SPRED2: variants seen among roughly 807,000 people sequenced by gnomAD.
SPRED2 encodes the protein sprouty-related, EVH1 domain-containing protein 2.
A neutral mutation model predicts 43.0 loss-of-function variants in SPRED2; 47 were observed. The ratio of observed to expected loss-of-function variants is 1.09; its 90% CI spans 0.87 to 1.40. SPRED2 has a LOEUF of 1.40. SPRED2 is among the 40% of genes most tolerant of loss of function. The pLI is 0.00. For missense variants in SPRED2, 561 were observed against 586.4 expected, an observed-to-expected ratio of 0.96 and a Z score of 0.45; for synonymous variants, 225 against 225.7, an observed-to-expected ratio of 1.00 and a Z score of 0.03.
intron 1 of SPRED2, among the ~76,000 whole-genome samples, chr2:65,393,339 T>TC (rs1675681821): frequency 6.6e-6 from 1 of 151,336 alleles, no homozygotes; most frequent in African/African-American, 2.4e-5. Context: ...TTTTTTTTTT[T>TC]TCTTTTTTTT....
chr2:65,322,294 A>ATTTTTTT lies in SPRED2; in HGVS notation c.439-5418_439-5412dup, dbSNP rs1178902612. On this transcript the variant is annotated intron_variant, in intron 4 of 5. Coordinates refer to ENST00000356388, the MANE Select transcript of SPRED2 (RefSeq NM_181784.3). Reference sequence around the variant, plus strand: ...TCTATATATATATATATATATATATATTTTTTTTTTTTTTTTTGAGACGGA... The same window carrying ATTTTTTT: ...TCTATATATATATATATATATATATATTTTTTTTTTTTTTTTTTTTTTTTGAGACGGA... 4.2e-4 allele frequency among the ~76,000 whole-genome samples: 27 copies of ATTTTTTT among 64,936 alleles called. 2 individuals carry two copies. The highest frequency in any genetic ancestry group is 1.9e-3 in the African/African-American group (26 of 14,034). The allele number at this position is 64,936 out of a possible 152,430, so 42.6% of individuals were successfully genotyped here.
At chr2:65,422,103 C>G (rs1191211127) in intron 1 of SPRED2, among the ~76,000 whole-genome samples, 1 of 111,244 alleles carries the variant, frequency 9.0e-6, no homozygotes, top group Non-Finnish European at 1.9e-5. Context: ...CACACACACA[C>G]ACTCTCTCTC....
At chr2:65,431,026 G>A (rs893325821) in intron 1 of SPRED2, among the ~76,000 whole-genome samples, 5 of 152,068 alleles carry the variant, frequency 3.3e-5, no homozygotes, top group African/African-American at 1.2e-4. Flanking sequence ...ACCAGGGAGG[G>A]AAAATGCCAA....
chr2:65,350,152 C>T (rs890630200), intron 1 of SPRED2, among the ~76,000 whole-genome samples: 3 of 152,188 alleles, frequency 2.0e-5, no homozygotes, highest in Non-Finnish European at 4.4e-5. Context: ...CACCTTCCCT[C>T]CCCCTCTTTC....
downstream of SPRED2, among the ~76,000 whole-genome samples, chr2:65,310,664 G>A (rs560894138): frequency 6.6e-6 from 1 of 152,132 alleles, no homozygotes; most frequent in Non-Finnish European, 1.5e-5. Context: ...CGAGCCCAAG[G>A]AGCTGCAGTC....
chr2:65,336,974 GGCGGGCACCTGTAGTC>G (rs1294527577), intron 2 of SPRED2, among the ~76,000 whole-genome samples: 1 of 152,164 alleles, frequency 6.6e-6, no homozygotes, highest in Non-Finnish European at 1.5e-5. Flanking sequence ...CGGGCATGGT[GGCGGGCACCTGTAGTC>G]CCAGCTACTA....
At chr2:65,408,834 C>T (rs1676088042) in intron 1 of SPRED2, among the ~76,000 whole-genome samples, 1 of 152,176 alleles carries the variant, frequency 6.6e-6, no homozygotes, top group Admixed American at 6.5e-5. Flanking sequence ...CTGCCTTGGC[C>T]TCCCAAAGTG....
chr2:65,411,638 A>G (rs547867191), intron 1 of SPRED2, among the ~76,000 whole-genome samples: 1 of 152,320 alleles, frequency 6.6e-6, no homozygotes, highest in Non-Finnish European at 1.5e-5. Flanking sequence ...CTTTGAGTTA[A>G]GTGGCTTTCA....
chr2:65,345,231 C>T (rs1019630012), intron 1 of SPRED2, among the ~76,000 whole-genome samples: 1 of 150,514 alleles, frequency 6.6e-6, no homozygotes, highest in African/African-American at 2.4e-5. Flanking sequence ...GTTGGAAAGA[C>T]ACACACCTAT....
Position 65,341,299 on chromosome 2 carries a change from C to G in SPRED2, c.204+3420G>C, listed in dbSNP as rs555461306. ...ACTTAGGTACTAGTGAATATAAAAG[C>G]CCACAAGTGTGGAGTCAAGGAATGT... On this transcript the variant is annotated intron_variant, in intron 2 of 5. Transcript: ENST00000356388. 2.0e-5 allele frequency among the ~76,000 whole-genome samples: 3 copies of G among 151,570 alleles called. No individual in the cohort carries two copies. In the South Asian group the frequency reaches 6.3e-4, roughly 32 times the overall value.
At chr2:65,380,675 G>A (rs1675351625) in intron 1 of SPRED2, 1 of 152,150 alleles carries the variant, frequency 6.6e-6, no homozygotes, top group African/African-American at 2.4e-5. Context: ...TCTGAAAAGA[G>A]TTCCACAAAG....
intron 1 of SPRED2, among the ~76,000 whole-genome samples, chr2:65,363,018 T>G (rs1285005394): frequency 7.6e-5 from 11 of 145,292 alleles, no homozygotes; most frequent in Non-Finnish European, 1.7e-4. Flanking sequence ...TTTTTTTTTT[T>G]TTTTTTTTTT....
intron 1 of SPRED2, among the ~76,000 whole-genome samples, chr2:65,354,813 G>C (rs948235897): frequency 6.6e-6 from 1 of 152,170 alleles, no homozygotes; most frequent in East Asian, 1.9e-4. Flanking sequence ...CATGGGCAAC[G>C]AAGTGTTCGC....
intron 1 of SPRED2, among the ~76,000 whole-genome samples, chr2:65,430,925 C>A (rs1676668214): frequency 6.6e-6 from 1 of 152,132 alleles, no homozygotes; most frequent in Admixed American, 6.5e-5. Flanking sequence ...GCGGCCGCCG[C>A]GCGGTGACCG....
rs1673114692 is a variant in SPRED2 at position 65,313,069 on chromosome 2, A to G, written c.*432T>C. On this transcript the variant is annotated 3_prime_UTR_variant, in exon 6 of 6. Transcript: ENST00000356388. ...CTAGCGACAGGCAAGGTGAACCAAG[A>G]GAAAGAGAGTCTTCGACGCTCTTGG... is the stretch of plus-strand genomic sequence containing the variant. The G allele has an allele frequency of 1.0e-6, 1 of 988,644 alleles. No individual in the cohort carries two copies. The highest frequency in any genetic ancestry group is 1.2e-6 in the Non-Finnish European group (1 of 832,348). 61.2% of individuals were successfully genotyped at this position (988,644 alleles called of 1,614,324 possible).
chr2:65,372,585 T>G (rs1675151790), intron 1 of SPRED2, among the ~76,000 whole-genome samples: 1 of 152,106 alleles, frequency 6.6e-6, no homozygotes, highest in African/African-American at 2.4e-5. Context: ...CAGACCTGGT[T>G]GCAAACAGAC....
intron 1 of SPRED2, among the ~76,000 whole-genome samples, chr2:65,383,781 C>T (rs770019562): frequency 1.3e-5 from 2 of 152,190 alleles, no homozygotes; most frequent in South Asian, 4.1e-4. Context: ...TCTTGATCCT[C>T]TGAAGATTAA....
chr2:65,346,646 C>A (rs542142464), intron 1 of SPRED2, among the ~76,000 whole-genome samples: 1 of 152,308 alleles, frequency 6.6e-6, no homozygotes, highest in East Asian at 1.9e-4. Context: ...GCACTCTTGG[C>A]TGGGCCTCTG....
downstream of SPRED2, chr2:65,308,697 G>C: frequency 2.2e-6 from 1 of 449,608 alleles, no homozygotes; most frequent in Non-Finnish European, 2.9e-6. Flanking sequence ...TATCCCACTT[G>C]TTAAATCTGA....
Sources: gnomAD v4.1 joint callset for allele counts (sites outside exome capture counted in the v4.1 genomes callset) on GRCh38, gnomAD v4.1.1 for gene constraint, MANE v1.5 for transcripts, NCBI Gene and HGNC (gene_info 2026-07-23, HGNC 2026-07-21) for gene names.